The following SULT2B1 variants were observed in gnomAD, a reference collection of about 807,000 sequenced individuals.
SULT2B1 encodes the protein sulfotransferase 2B1.
A neutral mutation model predicts 33.2 loss-of-function variants in SULT2B1; 16 were observed. That is an observed-to-expected ratio of 0.48 (90% CI 0.33 to 0.73). The LOEUF is 0.73. Among genes scored for constraint, SULT2B1 ranks in the 30% least tolerant of loss-of-function variants. The pLI is 0.02. For missense variants in SULT2B1, 500 were observed against 506.0 expected, an observed-to-expected ratio of 0.99 and a Z score of 0.11; for synonymous variants, 186 against 200.5, an observed-to-expected ratio of 0.93 and a Z score of 0.61.
chr19:48,566,863 C>A (rs568494422), intron 1 of SULT2B1, among the ~76,000 whole-genome samples: 3 of 151,306 alleles, frequency 2.0e-5, no homozygotes, highest in African/African-American at 7.3e-5. Context: ...ATTAGAGGGA[C>A]GTGTTGGCAC....
At chr19:48,554,750 G>A (rs960338564) in intron 1 of SULT2B1, among the ~76,000 whole-genome samples, 4 of 121,372 alleles carry the variant, frequency 3.3e-5, no homozygotes, top group African/African-American at 1.3e-4. Flanking sequence ...TGCAACCTCC[G>A]CCTCCCAGGT....
chr19:48,557,760 T>C (rs947808739), intron 1 of SULT2B1, among the ~76,000 whole-genome samples: 1 of 149,340 alleles, frequency 6.7e-6, no homozygotes, highest in Non-Finnish European at 1.5e-5. Context: ...CTACTAAAAA[T>C]AGAAAAAAGT....
At chr19:48,584,625 T>C (rs545342308) in intron 2 of SULT2B1, among the ~76,000 whole-genome samples, 7 of 152,152 alleles carry the variant, frequency 4.6e-5, no homozygotes, top group Non-Finnish European at 8.8e-5. Flanking sequence ...AGTGAATGGA[T>C]TGGATGTGGT....
At chr19:48,559,899 T>C (rs1973152973) in intron 1 of SULT2B1, among the ~76,000 whole-genome samples, 1 of 151,514 alleles carries the variant, frequency 6.6e-6, no homozygotes, top group South Asian at 2.1e-4. Context: ...GGCAGGAGGA[T>C]TGCTTGAGGC....
chr19:48,561,951 A>G (rs1188054205), intron 1 of SULT2B1, among the ~76,000 whole-genome samples: 4 of 151,620 alleles, frequency 2.6e-5, no homozygotes, highest in Admixed American at 2.6e-4. Context: ...CCCCATGTCT[A>G]CTAAAAACAC....
intron 5 of SULT2B1, among the ~76,000 whole-genome samples, chr19:48,594,496 T>C (rs1244733220): frequency 6.6e-6 from 1 of 152,152 alleles, no homozygotes. Flanking sequence ...CCCCCTCTTT[T>C]CCAGCAAGCA....
At chr19:48,596,530 AC>A (rs1183337453) in intron 5 of SULT2B1, 3 of 508,274 alleles carry the variant, frequency 5.9e-6, no homozygotes, top group African/African-American at 2.1e-5. Context: ...ATTCCCTCCC[AC>A]CTAGAGAACC....
chr19:48,586,086 G>A (rs1004648096), intron 2 of SULT2B1, among the ~76,000 whole-genome samples: 3 of 152,006 alleles, frequency 2.0e-5, no homozygotes, highest in Non-Finnish European at 2.9e-5. Flanking sequence ...GCCAGGTGTG[G>A]TTGTGTGCAC....
chr19:48,585,082 A>G (rs1343071819), intron 2 of SULT2B1, among the ~76,000 whole-genome samples: 1 of 146,070 alleles, frequency 6.8e-6, no homozygotes, highest in Admixed American at 6.9e-5. Flanking sequence ...AGCTGGGTAC[A>G]TGTGGTCTAG....
intron 1 of SULT2B1, among the ~76,000 whole-genome samples, chr19:48,572,617 G>T (rs1973346064): frequency 6.6e-6 from 1 of 152,298 alleles, no homozygotes; most frequent in East Asian, 1.9e-4. Context: ...CCTGGAGCTG[G>T]TGTCTGCAGC....
In SULT2B1 at chr19:48,576,099, CG is replaced by C. The variant is rs755026076; in HGVS notation, c.214+19del. The C allele has an allele frequency of 1.8e-4, 264 of 1,508,344 alleles. No individual in the cohort carries two copies. Among genetic ancestry groups the C allele is most frequent in the Non-Finnish European group, 2.2e-4 (244 of 1,097,460 alleles). The allele number at this position is 1,508,344 out of a possible 1,614,324, so 93.4% of individuals were successfully genotyped here. A position where few individuals can be genotyped will look rare whatever the true frequency, so the allele number is the denominator to read the frequency against. On this transcript the variant is annotated intron_variant, in intron 2 of 6. Coordinates refer to ENST00000201586, the MANE Select transcript of SULT2B1 (RefSeq NM_177973.2). The stretch of plus-strand genomic sequence containing the variant: ...CCCAAGTCAGGTACCTGCCGGGCTG[CG>C]GGCGTCGGGGGCTGGGGAGAGTGGG...
At chr19:48,585,608 G>C (rs1384630296) in intron 2 of SULT2B1, among the ~76,000 whole-genome samples, 1 of 151,330 alleles carries the variant, frequency 6.6e-6, no homozygotes, top group Non-Finnish European at 1.5e-5. Flanking sequence ...GGCGGAGGTT[G>C]CAGTGAGCCA....
chr19:48,568,435 C>A (rs933796648), intron 1 of SULT2B1, among the ~76,000 whole-genome samples: 2 of 152,086 alleles, frequency 1.3e-5, no homozygotes, highest in African/African-American at 4.8e-5. Flanking sequence ...AAGGAGCTGG[C>A]CTTGAATCCT....
intron 1 of SULT2B1, among the ~76,000 whole-genome samples, chr19:48,569,361 A>AAAAAAAAAT (rs1568405757): frequency 3.0e-4 from 3 of 9,968 alleles, no homozygotes; most frequent in Admixed American, 9.4e-4. Context: ...AAAAAAAAAA[A>AAAAAAAAAT]ACATATATAT....
At chr19:48,584,495 A>C (rs537452000) in intron 2 of SULT2B1, among the ~76,000 whole-genome samples, 2 of 152,086 alleles carry the variant, frequency 1.3e-5, no homozygotes, top group South Asian at 4.1e-4. Context: ...GCTAGCTGGC[A>C]GAGGAGAAAT....
chr19:48,576,110 G>GGCTGGGGAGAGTGGGGAGGGGGTGCGGCA (rs1393169138), intron 2 of SULT2B1, 27 bp downstream of exon 2: 2 of 1,587,052 alleles, frequency 1.3e-6, no homozygotes, highest in African/African-American at 2.7e-5. Context: ...GGGCGTCGGG[G>GGCTGGGGAGAGTGGGGAGGGGGTGCGGCA]GCTGGGGAGA....
intron 1 of SULT2B1, 83 bp from the exon 2 acceptor site, chr19:48,575,858 C>A: frequency 1.9e-6 from 3 of 1,541,376 alleles, no homozygotes; most frequent in Non-Finnish European, 2.6e-6. Context: ...AGTTCCTTGC[C>A]AGGGTCCGAG....
intron 5 of SULT2B1, 94 bp downstream of exon 5, chr19:48,592,910 G>T: frequency 9.3e-7 from 1 of 1,076,886 alleles, no homozygotes. Flanking sequence ...GGACCCCTCC[G>T]CTTCCCCATG....
chr19:48,599,347 T>TCCAGCCCCAGCC lies in SULT2B1; in HGVS notation c.1048_1059dup (p.Ser350_Pro353dup). 1 of 1,584,136 alleles carries TCCAGCCCCAGCC rather than the reference T, an allele frequency of 6.3e-7. No homozygotes were observed. The highest frequency in any genetic ancestry group is 8.6e-7 in the Non-Finnish European group (1 of 1,165,222). On this transcript the variant is annotated inframe_insertion, in exon 7 of 7. Transcript: ENST00000201586. This position sits in a 1 kb window ranked among gnomAD's most constrained non-coding sequence, Gnocchi z 4.1. ...CCTGGAGCGTGAGCCCAGACCCAAC[T>TCCAGCCCCAGCC]CCAGCCCCAGCCCCAGCCCCGGCCA...
Sources: allele counts gnomAD v4.1 joint callset (sites outside exome capture counted in the v4.1 genomes callset), GRCh38; gene constraint gnomAD v4.1.1; non-coding constraint Gnocchi (gnomAD v3.1); transcripts MANE v1.5; gene names NCBI Gene and HGNC (gene_info 2026-07-23, HGNC 2026-07-21).